Variants in CLYBL observed in about 807,000 individuals in gnomAD.
The protein encoded by CLYBL is citramalyl-CoA lyase.
Under a neutral mutation model 38.9 loss-of-function variants are expected in CLYBL, and 31 were observed. The observed-to-expected ratio is 0.80, with a 90% CI of 0.60 to 1.08. The LOEUF is 1.08. Among genes scored for constraint, CLYBL ranks in the 50% least tolerant of loss-of-function variants. The pLI is 0.00. For synonymous variants in CLYBL, 171 were observed against 158.6 expected (o/e 1.08, Z -0.59); for missense variants, 434 against 411.6 (o/e 1.05, Z -0.47).
At chr13:99,850,354 G>A (rs1010545755) in intron 2 of CLYBL, among the ~76,000 whole-genome samples, 3 of 152,174 alleles carry the variant, frequency 2.0e-5, no homozygotes, top group African/African-American at 7.2e-5. Context: ...CAAGGGACTT[G>A]AATAGACATT....
chr13:99,789,685 G>A (rs1279465885), intron 2 of CLYBL, among the ~76,000 whole-genome samples: 1 of 152,204 alleles, frequency 6.6e-6, no homozygotes, highest in East Asian at 1.9e-4. Flanking sequence ...TTGATTTGGG[G>A]TGGAGAGTTC....
chr13:99,864,690 C>T (rs913379659), intron 4 of CLYBL, 128 bp from the exon 5 acceptor site: 12 of 675,784 alleles, frequency 1.8e-5, no homozygotes, highest in African/African-American at 1.1e-4. Flanking sequence ...ATTTGGGCTG[C>T]GTTTTTAGGA....
intron 1 of CLYBL, among the ~76,000 whole-genome samples, chr13:99,620,909 A>G (rs2046785949): frequency 6.6e-6 from 1 of 152,230 alleles, no homozygotes; most frequent in African/African-American, 2.4e-5. Flanking sequence ...CAGCCAGTCA[A>G]GAGAATTTCT....
chr13:99,699,748 C>T (rs1341049145), intron 1 of CLYBL, among the ~76,000 whole-genome samples: 2 of 150,700 alleles, frequency 1.3e-5, no homozygotes, highest in African/African-American at 4.9e-5. Flanking sequence ...AATCCCAGCA[C>T]TTTGGGAGGC....
At chr13:99,674,538 A>G (rs2047615749) in intron 1 of CLYBL, among the ~76,000 whole-genome samples, 1 of 152,094 alleles carries the variant, frequency 6.6e-6, no homozygotes, top group Non-Finnish European at 1.5e-5. Flanking sequence ...GGGAGCTGTT[A>G]GCAGAGAAAT....
At chr13:99,814,623 G>GAC (rs2050406103) in intron 2 of CLYBL, among the ~76,000 whole-genome samples, 1 of 151,860 alleles carries the variant, frequency 6.6e-6, no homozygotes, top group Admixed American at 6.6e-5. Context: ...AGCCACTTGG[G>GAC]AGGCTGAGAC....
At chr13:99,701,643 G>C (rs1022515224) in intron 1 of CLYBL, among the ~76,000 whole-genome samples, 20 of 151,784 alleles carry the variant, frequency 1.3e-4, no homozygotes, top group Admixed American at 3.3e-4. Context: ...TTTAACAAAG[G>C]CTTGAGTATC....
At chr13:99,890,642 A>AT (rs1359769226) in intron 7 of CLYBL, among the ~76,000 whole-genome samples, 2 of 151,738 alleles carry the variant, frequency 1.3e-5, no homozygotes, top group African/African-American at 2.4e-5. Context: ...ATTTTTTTGT[A>AT]TTTTTATTAG....
chr13:99,769,904 A>G (rs2049346110), intron 1 of CLYBL, among the ~76,000 whole-genome samples: 1 of 152,168 alleles, frequency 6.6e-6, no homozygotes, highest in South Asian at 2.1e-4. Context: ...CAAGCACACT[A>G]ATCATGGTGA....
Position 99,768,192 on chromosome 13 carries a change from C to CTTTTTT in CLYBL, c.63-4617_63-4612dup, listed in dbSNP as rs58499426. ...AGGTCTCCTCAAGTCTTTTCTTTTT[C>CTTTTTT]TTTTTTTTTTTTTTTTTTTTGAGCA... On this transcript the variant is annotated intron_variant, in intron 1 of 8. Transcript: ENST00000339105. Among the ~76,000 whole-genome samples the CTTTTTT allele has an allele frequency of 4.8e-3, 491 of 102,648 alleles. 2 individuals carry two copies. The highest frequency in any genetic ancestry group is 5.7e-3 in the Non-Finnish European group (311 of 54,654). 67.3% of individuals were successfully genotyped at this position (102,648 alleles called of 152,430 possible).
chr13:99,887,599 A>C (rs1294323304), intron 7 of CLYBL, among the ~76,000 whole-genome samples: 1 of 152,082 alleles, frequency 6.6e-6, no homozygotes, highest in Non-Finnish European at 1.5e-5. Context: ...TCTCTACATA[A>C]AAAATTAGCT....
At chr13:99,804,377 G>A (rs2138955837) in intron 2 of CLYBL, among the ~76,000 whole-genome samples, 1 of 152,306 alleles carries the variant, frequency 6.6e-6, no homozygotes, top group African/African-American at 2.4e-5. Context: ...TACTGTTGCT[G>A]TTGTTTTTCT....
rs199716937 is a variant in CLYBL, at chr13:99,664,010, TTCTC to T, written c.62+57257_62+57260del. 4.7e-4 allele frequency among the ~76,000 whole-genome samples: 72 copies of T among 152,368 alleles called. No individual in the cohort carries two copies. The East Asian group carries it at 9.6e-3, about 20-fold the overall frequency. On this transcript the variant is annotated intron_variant, in intron 1 of 8. Transcript: ENST00000339105. ...ATAGCATTTATCTTTCAAGAGTTCT[TTCTC>T]TCTTTTTGTGATTATTTTATAAACT... is the stretch of plus-strand genomic sequence containing the variant.
chr13:99,620,446 G>A (rs1278286708), intron 1 of CLYBL, among the ~76,000 whole-genome samples: 18 of 152,148 alleles, frequency 1.2e-4, no homozygotes, highest in Admixed American at 1.1e-3. Flanking sequence ...CAGTGCTGAT[G>A]TCAGATGTGT....
At chr13:99,668,240 C>A (rs1391062935) in intron 1 of CLYBL, among the ~76,000 whole-genome samples, 1 of 151,284 alleles carries the variant, frequency 6.6e-6, no homozygotes, top group African/African-American at 2.4e-5. Context: ...TGCCACTGCA[C>A]TCCAGCCTGG....
chr13:99,852,597 C>T (rs1477797577), intron 2 of CLYBL, among the ~76,000 whole-genome samples: 1 of 152,174 alleles, frequency 6.6e-6, no homozygotes, highest in Non-Finnish European at 1.5e-5. Flanking sequence ...ATGTTTCAGT[C>T]ATTAACTAGA....
rs11838666 is a variant in CLYBL at position 99,662,904 on chromosome 13, A to G, written c.62+56147A>G. On this transcript the variant is annotated intron_variant, in intron 1 of 8. Coordinates refer to ENST00000339105, the MANE Select transcript of CLYBL (RefSeq NM_206808.5). The stretch of plus-strand genomic sequence containing the variant: ...TTACTTTGCAACCGGCCACTGTTCA[A>G]GGACTTCAGACAGTGCTGAGGTCCG... 1.9e-3 allele frequency among the ~76,000 whole-genome samples: 288 copies of G among 152,314 alleles called. 3 individuals are homozygous for G. The highest frequency in any genetic ancestry group is 6.5e-3 in the African/African-American group (270 of 41,560).
At chr13:99,782,218 C>A (rs1256034961) in intron 2 of CLYBL, among the ~76,000 whole-genome samples, 2 of 151,890 alleles carry the variant, frequency 1.3e-5, no homozygotes, top group Non-Finnish European at 2.9e-5. Context: ...TTGAAAATGT[C>A]TTTATGGCCT....
At chr13:99,726,784 T>A (rs2139550984) in intron 1 of CLYBL, among the ~76,000 whole-genome samples, 1 of 152,132 alleles carries the variant, frequency 6.6e-6, no homozygotes, top group Middle Eastern at 3.4e-3. Flanking sequence ...CTCATTTCCT[T>A]CATGTATGCA....
Sources: gnomAD v4.1 joint callset for allele counts (sites outside exome capture counted in the v4.1 genomes callset) on GRCh38, gnomAD v4.1.1 for gene constraint, MANE v1.5 for transcripts, NCBI Gene and HGNC (gene_info 2026-07-23, HGNC 2026-07-21) for gene names.